Variants in CCDC178 observed in about 807,000 individuals in gnomAD.
CCDC178 encodes the protein coiled-coil domain-containing protein 178.
Under a neutral mutation model 117.4 loss-of-function variants are expected in CCDC178, and 126 were observed. The observed-to-expected ratio is 1.07, with a 90% CI of 0.93 to 1.24. The LOEUF is 1.24. Among genes scored for constraint, CCDC178 ranks in the 50% most tolerant of loss-of-function variants. CCDC178 has a pLI of 0.00. For missense variants in CCDC178, 1,030 were observed against 986.9 expected, an observed-to-expected ratio of 1.04 and a Z score of -0.59; for synonymous variants, 283 against 313.4, an observed-to-expected ratio of 0.90 and a Z score of 1.02.
intron 20 of CCDC178, among the ~76,000 whole-genome samples, chr18:33,113,991 T>C (rs1379578469): frequency 6.6e-6 from 1 of 152,034 alleles, no homozygotes; most frequent in Non-Finnish European, 1.5e-5. Context: ...AGCATTATTA[T>C]AGATGCTATT....
chr18:33,176,271 C>T (rs72945365), intron 20 of CCDC178, among the ~76,000 whole-genome samples: 6 of 152,202 alleles, frequency 3.9e-5, no homozygotes, highest in South Asian at 2.1e-4. Context: ...TAGAGTGCTT[C>T]GGCTTCCTCA....
At chr18:33,243,276 A>AT (rs1055475328) in intron 15 of CCDC178, among the ~76,000 whole-genome samples, 5 of 151,898 alleles carry the variant, frequency 3.3e-5, no homozygotes, top group African/African-American at 1.2e-4. Flanking sequence ...GGAGACAGAG[A>AT]TTTTTTAAAG....
At chr18:33,379,689 C>G (rs946376612) in intron 5 of CCDC178, among the ~76,000 whole-genome samples, 1 of 152,126 alleles carries the variant, frequency 6.6e-6, no homozygotes, top group African/African-American at 2.4e-5. Flanking sequence ...AACTCCAACT[C>G]TAGGTGATTG....
At chr18:33,328,538 C>T (rs1022015431) in intron 10 of CCDC178, among the ~76,000 whole-genome samples, 3 of 152,002 alleles carry the variant, frequency 2.0e-5, no homozygotes, top group African/African-American at 7.3e-5. Flanking sequence ...TAGTCAATGT[C>T]CCAGCATCAT....
chr18:33,289,796 A>G (rs1216089851), intron 12 of CCDC178, among the ~76,000 whole-genome samples: 2 of 152,208 alleles, frequency 1.3e-5, no homozygotes, highest in Non-Finnish European at 2.9e-5. Context: ...AGTAAATAAG[A>G]TATGCATAAA....
In CCDC178 at chr18:33,092,779, T is replaced by G. The variant is rs958603825; in HGVS notation, c.2370A>C (p.Ser790=). Residue 790 remains serine, a synonymous_variant, in exon 21 of 23, where the codon TCA becomes TCC. Coordinates refer to ENST00000383096, the MANE Select transcript of CCDC178 (RefSeq NM_001105528.4). ...CCAATACCTGTTTCTTATCTCTAAT[T>G]GAAGTATCAAGTGATAGCTGTTTAT... ...IYDKQLSLDT[S]IRDKKQLCQL... is the part of the protein sequence containing the mutation. 1.0e-5 allele frequency: 16 copies of G among 1,532,124 alleles called. No individual in the cohort carries two copies. The highest frequency in any genetic ancestry group is 1.2e-5 in the Non-Finnish European group (14 of 1,122,010). The allele number at this position is 1,532,124 out of a possible 1,614,324, so 94.9% of individuals were successfully genotyped here. A position where few individuals can be genotyped will look rare whatever the true frequency, so the allele number is the denominator to read the frequency against.
intron 21 of CCDC178, among the ~76,000 whole-genome samples, chr18:32,988,305 G>A (rs1486273223): frequency 3.4e-5 from 5 of 149,088 alleles, no homozygotes; most frequent in East Asian, 2.0e-4. Flanking sequence ...GCGTGGTCGC[G>A]TATGCCTGTG....
At chr18:33,245,814 T>C (rs2059543051) in intron 14 of CCDC178, among the ~76,000 whole-genome samples, 2 of 151,906 alleles carry the variant, frequency 1.3e-5, no homozygotes, top group African/African-American at 2.4e-5. Context: ...CCAAAGCATA[T>C]ACAAGAGCAA....
chr18:33,199,407 CCTGT>C lies in CCDC178; in HGVS notation c.2238+12485_2238+12488del, dbSNP rs1489752645. ...GGCCCATGGTACTCAGTCTTCTCTT[CCTGT>C]CTATCTCTTGTTCCACCTATCATAC... On this transcript the variant is annotated intron_variant, in intron 20 of 22. Coordinates refer to ENST00000383096, the MANE Select transcript of CCDC178 (RefSeq NM_001105528.4). Among the ~76,000 whole-genome samples the C allele has an allele frequency of 4.6e-5, 7 of 152,306 alleles. No individual in the cohort carries two copies. The South Asian group carries it at 1.4e-3, about 32-fold the overall frequency.
intron 20 of CCDC178, among the ~76,000 whole-genome samples, chr18:33,122,681 A>T (rs532120080): frequency 1.3e-5 from 2 of 152,170 alleles, no homozygotes; most frequent in Non-Finnish European, 2.9e-5. Flanking sequence ...ATGGAATTCT[A>T]TCTCCAGACT....
chr18:33,119,936 C>CA (rs1275164023), intron 20 of CCDC178, among the ~76,000 whole-genome samples: 2 of 150,304 alleles, frequency 1.3e-5, no homozygotes, highest in Admixed American at 6.7e-5. Flanking sequence ...ATCACAAGGA[C>CA]AAAAAATCAA....
Position 33,346,123 on chromosome 18 carries a change from G to C in CCDC178, c.658+88C>G. On this transcript the variant is annotated intron_variant, in intron 9 of 22. Transcript: ENST00000383096. ...TTACAGGCATGAGCCATGGCACTAAGACAATTTTTTTAAAAATATACAGAC... is the reference window on the plus strand; with the variant it reads ...TTACAGGCATGAGCCATGGCACTAACACAATTTTTTTAAAAATATACAGAC... 4 of 1,019,376 alleles carry C rather than the reference G, an allele frequency of 3.9e-6. No homozygotes were observed. In the South Asian group the frequency reaches 6.8e-5, roughly 17 times the overall value. 63.1% of individuals were successfully genotyped at this position (1,019,376 alleles called of 1,614,324 possible).
intron 7 of CCDC178, 137 bp from the exon 8 acceptor site, chr18:33,349,112 CTAA>C (rs2062936585): frequency 1.9e-6 from 1 of 516,624 alleles, no homozygotes; most frequent in Non-Finnish European, 3.4e-6. Flanking sequence ...AGATAGGAGA[CTAA>C]TATAGCAAAA....
intron 22 of CCDC178, among the ~76,000 whole-genome samples, chr18:32,942,067 G>A (rs994585346): frequency 8.5e-5 from 13 of 152,072 alleles, no homozygotes; most frequent in Non-Finnish European, 1.6e-4. Context: ...GAGAAAATGG[G>A]AGGATATATA....
At chr18:33,091,324 CTT>C (rs746505005) in intron 21 of CCDC178, among the ~76,000 whole-genome samples, 2 of 43,896 alleles carry the variant, frequency 4.6e-5, no homozygotes, top group African/African-American at 8.0e-5. Context: ...TTATTTCATT[CTT>C]TTTTTTTTTT....
chr18:33,077,257 G>T (rs964999502), intron 21 of CCDC178, among the ~76,000 whole-genome samples: 3 of 152,160 alleles, frequency 2.0e-5, no homozygotes, highest in African/African-American at 7.2e-5. Context: ...TTGACTGCTA[G>T]CTCTGGTTCC....
intron 21 of CCDC178, among the ~76,000 whole-genome samples, chr18:33,021,696 T>C (rs2056121351): frequency 6.6e-6 from 1 of 152,196 alleles, no homozygotes; most frequent in African/African-American, 2.4e-5. Context: ...CTCATGTTTA[T>C]TCCTCAAACT....
Position 33,114,312 on chromosome 18 carries a change from A to C in CCDC178, c.2239-21402T>G, listed in dbSNP as rs563650271. 6.6e-5 allele frequency among the ~76,000 whole-genome samples: 10 copies of C among 152,130 alleles called. No homozygotes were observed. The East Asian group carries it at 1.9e-3, about 30-fold the overall frequency. ...TGCAGCACATTCTGCATCAGCCTTGAGAATGCTGTGCAGGAGAGACCCTGG... is the reference window on the plus strand; with the variant it reads ...TGCAGCACATTCTGCATCAGCCTTGCGAATGCTGTGCAGGAGAGACCCTGG... On this transcript the variant is annotated intron_variant, in intron 20 of 22. Transcript: ENST00000383096.
intron 4 of CCDC178, among the ~76,000 whole-genome samples, chr18:33,391,955 C>T (rs1361258888): frequency 6.6e-6 from 1 of 151,816 alleles, no homozygotes; most frequent in Admixed American, 6.6e-5. Context: ...CCTCTGCCTC[C>T]TGGGTTCAAG....
Sources: gnomAD v4.1 joint callset for allele counts (sites outside exome capture counted in the v4.1 genomes callset) on GRCh38, gnomAD v4.1.1 for gene constraint, MANE v1.5 for transcripts, NCBI Gene and HGNC (gene_info 2026-07-23, HGNC 2026-07-21) for gene names.